Variants in TMEM178B observed in about 807,000 individuals in gnomAD.
The protein encoded by TMEM178B is transmembrane protein 178B.
TMEM178B carries 5 observed loss-of-function variants against 31.0 expected under a neutral mutation model. The ratio of observed to expected loss-of-function variants is 0.16; its 90% CI spans 0.08 to 0.34. The LOEUF (loss-of-function observed/expected upper bound fraction) is 0.34, where lower values mean the gene tolerates loss of function less well. Ranked by LOEUF, TMEM178B falls within the 10% of genes least tolerant of loss-of-function variation. The pLI, the probability that TMEM178B is intolerant of heterozygous loss-of-function variation, is 1.00. For synonymous variants in TMEM178B, 164 were observed against 164.0 expected (o/e 1.00, Z 0.00); for missense variants, 275 against 400.3 (o/e 0.69, Z 2.67).
chr7:141,482,721 C>G (rs1479029823), downstream of TMEM178B, among the ~76,000 whole-genome samples: 1 of 152,168 alleles, frequency 6.6e-6, no homozygotes, highest in African/African-American at 2.4e-5. Context: ...AGATTACAAT[C>G]AGCAAAGGTA....
Position 141,175,101 on chromosome 7 carries a change from C to T in TMEM178B, c.383-37490C>T, listed in dbSNP as rs796528470. Among the ~76,000 whole-genome samples the T allele has an allele frequency of 7.2e-5, 11 of 152,238 alleles. No homozygotes were observed. The South Asian group carries it at 8.3e-4, about 11-fold the overall frequency. ...AGGGTTTTTATGGTTTTAGGTCTAA[C>T]ATTTAAGTCTTTAATCCATCTTGAG... On this transcript the variant is annotated intron_variant, in intron 1 of 3. Transcript: ENST00000565468.
At chr7:141,466,784 C>T (rs971778200) in intron 3 of TMEM178B, among the ~76,000 whole-genome samples, 1 of 152,160 alleles carries the variant, frequency 6.6e-6, no homozygotes, top group Admixed American at 6.5e-5. Flanking sequence ...TTGAACTCAC[C>T]TCACTGCCCC....
chr7:141,256,566 T>G (rs946920670), intron 2 of TMEM178B, among the ~76,000 whole-genome samples: 1 of 152,172 alleles, frequency 6.6e-6, no homozygotes, highest in Non-Finnish European at 1.5e-5. Context: ...TACAGCAAGA[T>G]GAGCCTCTGA....
chr7:141,261,032 C>A (rs1382813994), intron 2 of TMEM178B, among the ~76,000 whole-genome samples: 1 of 152,122 alleles, frequency 6.6e-6, no homozygotes, highest in Non-Finnish European at 1.5e-5. Context: ...TAAATGATAA[C>A]CCAAGATCAG....
intron 2 of TMEM178B, among the ~76,000 whole-genome samples, chr7:141,324,438 T>TG (rs1799154556): frequency 8.0e-6 from 1 of 125,602 alleles, no homozygotes; most frequent in African/African-American, 2.8e-5. Flanking sequence ...TTTTTTTTTT[T>TG]TTTTTTTTTT....
At chr7:141,135,029 A>G (rs1188579846) in intron 1 of TMEM178B, among the ~76,000 whole-genome samples, 5 of 152,118 alleles carry the variant, frequency 3.3e-5, no homozygotes, top group African/African-American at 1.2e-4. Context: ...TCTGTGCACA[A>G]GCTCTCCCTT....
intron 2 of TMEM178B, among the ~76,000 whole-genome samples, chr7:141,243,520 G>C (rs535787762): frequency 3.9e-5 from 6 of 152,120 alleles, no homozygotes; most frequent in African/African-American, 1.4e-4. Context: ...ACGGAGACTG[G>C]AGGAAGGGGA....
At chr7:141,111,924 T>A (rs1454795203) in intron 1 of TMEM178B, among the ~76,000 whole-genome samples, 1 of 152,230 alleles carries the variant, frequency 6.6e-6, no homozygotes, top group Non-Finnish European at 1.5e-5. Flanking sequence ...CTGAAGTGTG[T>A]GTATTAATTT....
intron 2 of TMEM178B, among the ~76,000 whole-genome samples, chr7:141,258,052 G>T (rs1424366325): frequency 2.0e-5 from 3 of 151,472 alleles, no homozygotes; most frequent in African/African-American, 7.3e-5. Context: ...ATGATCTTCA[G>T]TTTATCATAA....
intron 2 of TMEM178B, among the ~76,000 whole-genome samples, chr7:141,303,691 C>G (rs770947646): frequency 6.6e-6 from 1 of 152,178 alleles, no homozygotes; most frequent in Non-Finnish European, 1.5e-5. Flanking sequence ...CTTTATGCCT[C>G]CACCAATCCC....
intron 3 of TMEM178B, among the ~76,000 whole-genome samples, chr7:141,457,617 A>G (rs561084574): frequency 6.6e-6 from 1 of 152,294 alleles, no homozygotes; most frequent in South Asian, 2.1e-4. Flanking sequence ...TAAAAATGCC[A>G]CTCTCACAGT....
At chr7:141,114,477 G>T (rs1366635302) in intron 1 of TMEM178B, among the ~76,000 whole-genome samples, 2 of 152,212 alleles carry the variant, frequency 1.3e-5, no homozygotes, top group Admixed American at 1.3e-4. Flanking sequence ...TGGGAGACCT[G>T]TTGGACTTCA....
At position 141,479,781 on chromosome 7, in the gene TMEM178B, T is replaced by G. The variant is rs141273106; in HGVS notation, c.*8995T>G. 6.6e-6 allele frequency: 1 copy of G among 152,340 alleles called. No homozygotes were observed. The highest frequency in any genetic ancestry group is 2.4e-5 in the African/African-American group (1 of 41,582). 9.4% of individuals were successfully genotyped at this position (152,340 alleles called of 1,614,324 possible). ...CAGATTATTGCTCAGTCAATATAAA[T>G]TTATTTACCTTTATTTTAATTTGCA... is the stretch of plus-strand genomic sequence containing the variant. On this transcript the variant is annotated 3_prime_UTR_variant, in exon 4 of 4. Coordinates refer to ENST00000565468, the MANE Select transcript of TMEM178B (RefSeq NM_001195278.2).
the TMEM178B span, among the ~76,000 whole-genome samples, chr7:141,504,255 A>C: frequency 6.6e-6 from 1 of 152,240 alleles, no homozygotes; most frequent in African/African-American, 2.4e-5. Context: ...TAAAGTACAT[A>C]TATCAGAGGC....
Position 141,194,835 on chromosome 7 carries a change from A to G in TMEM178B, c.383-17756A>G, listed in dbSNP as rs181147690. Among the ~76,000 whole-genome samples, 36 of 152,172 alleles carry G rather than the reference A, an allele frequency of 2.4e-4. No individual in the cohort carries two copies. In the South Asian group the frequency reaches 2.5e-3, roughly 11 times the overall value. ...CCTGGGCATCCAGGCATTTCCACAC[A>G]TCTTCTGAAGTCTAGGTGCAGGTTC... On this transcript the variant is annotated intron_variant, in intron 1 of 3. Transcript: ENST00000565468.
intron 2 of TMEM178B, among the ~76,000 whole-genome samples, chr7:141,360,103 A>G (rs905596235): frequency 1.3e-5 from 2 of 152,188 alleles, no homozygotes; most frequent in South Asian, 2.1e-4. Flanking sequence ...CAGCCAAACC[A>G]TATCATCACC....
intron 2 of TMEM178B, among the ~76,000 whole-genome samples, chr7:141,251,431 A>C (rs1797831878): frequency 1.3e-5 from 2 of 152,196 alleles, no homozygotes; most frequent in African/African-American, 4.8e-5. Flanking sequence ...GTTTGGGGGA[A>C]CATGAGAGGG....
At chr7:141,158,954 G>T (rs1370352528) in intron 1 of TMEM178B, among the ~76,000 whole-genome samples, 1 of 152,066 alleles carries the variant, frequency 6.6e-6, no homozygotes, top group Non-Finnish European at 1.5e-5. Flanking sequence ...AGATGGAGAG[G>T]ACAAGGGAAA....
chr7:141,466,161 T>C (rs557848718), intron 3 of TMEM178B, among the ~76,000 whole-genome samples: 2 of 152,344 alleles, frequency 1.3e-5, no homozygotes, highest in South Asian at 2.1e-4. Context: ...ACTGGTCTAC[T>C]TTAAGGGCCA....
Sources: gnomAD v4.1 joint callset for allele counts (sites outside exome capture counted in the v4.1 genomes callset) on GRCh38, gnomAD v4.1.1 for gene constraint, MANE v1.5 for transcripts, NCBI Gene and HGNC (gene_info 2026-07-23, HGNC 2026-07-21) for gene names.